LYPD6B: variants seen among roughly 807,000 people sequenced by gnomAD.
LYPD6B encodes ly6/PLAUR domain-containing protein 6B.
Under a neutral mutation model 22.8 loss-of-function variants are expected in LYPD6B, and 17 were observed. The ratio of observed to expected loss-of-function variants is 0.75; its 90% confidence interval spans 0.51 to 1.12. LYPD6B has a LOEUF of 1.12. LYPD6B is among the 50% of genes most tolerant of loss of function. The probability of loss-of-function intolerance (pLI) is 0.00; values close to 1 mark genes in which losing one functional copy is unlikely to be tolerated. For missense variants in LYPD6B, 221 were observed against 258.3 expected, an observed-to-expected ratio of 0.86 and a Z score of 0.99; for synonymous variants, 106 against 91.6, an observed-to-expected ratio of 1.16 and a Z score of -0.90.
At chr2:149,171,399 T>A (rs930915676) in intron 3 of LYPD6B, among the ~76,000 whole-genome samples, 2 of 152,170 alleles carry the variant, frequency 1.3e-5, no homozygotes, top group Admixed American at 6.5e-5. Flanking sequence ...TGTGTAGACT[T>A]GATGTCTTTC....
intron 1 of LYPD6B, among the ~76,000 whole-genome samples, chr2:149,060,252 C>CT (rs1684013099): frequency 6.6e-6 from 1 of 152,126 alleles, no homozygotes; most frequent in Non-Finnish European, 1.5e-5. Flanking sequence ...GGGTTCGAAT[C>CT]CTGCCTTGAC....
chr2:149,111,411 T>A (rs1686753400), intron 1 of LYPD6B, among the ~76,000 whole-genome samples: 2 of 151,944 alleles, frequency 1.3e-5, no homozygotes, highest in Non-Finnish European at 2.9e-5. Flanking sequence ...GAAAAATCAG[T>A]CTGATTTGGG....
At chr2:149,050,952 A>C (rs6753864) in intron 1 of LYPD6B, among the ~76,000 whole-genome samples, 127,671 of 151,768 alleles carry the variant, frequency 0.84, 54,249 homozygotes, top group East Asian at 0.98. Flanking sequence ...TAACATGTTC[A>C]CACCCCAACC....
In LYPD6B at chr2:149,074,798, T is replaced by C. The variant is rs867072850; in HGVS notation, c.-67+35997T>C. 4.2e-5 allele frequency among the ~76,000 whole-genome samples: 6 copies of C among 141,554 alleles called. No individual in the cohort carries two copies. The South Asian group carries it at 7.2e-4, about 17-fold the overall frequency. 92.9% of individuals were successfully genotyped at this position (141,554 alleles called of 152,430 possible). A position where few individuals can be genotyped will look rare whatever the true frequency, so the allele number is the denominator to read the frequency against. On this transcript the variant is annotated intron_variant, in intron 1 of 6. Coordinates refer to ENST00000409642, the MANE Select transcript of LYPD6B (RefSeq NM_177964.5). The stretch of plus-strand genomic sequence containing the variant: ...TTCCAGAATATCCTATGAAATGCTT[T>C]AAAAGTTTAAAATACAATTTTTTTT...
chr2:149,044,963 T>A (rs1683245078), intron 1 of LYPD6B, among the ~76,000 whole-genome samples: 1 of 152,060 alleles, frequency 6.6e-6, no homozygotes, highest in East Asian at 1.9e-4. Flanking sequence ...TCCACTTGGT[T>A]GTAATGTATT....
intron 2 of LYPD6B, among the ~76,000 whole-genome samples, chr2:149,143,463 AC>A (rs1293198593): frequency 2.7e-5 from 4 of 150,366 alleles, no homozygotes; most frequent in Admixed American, 1.3e-4. Flanking sequence ...TTTTTACTAT[AC>A]CGTTTGAAAA....
intron 1 of LYPD6B, among the ~76,000 whole-genome samples, chr2:149,086,465 C>G (rs1474492791): frequency 6.6e-6 from 1 of 152,146 alleles, no homozygotes; most frequent in Non-Finnish European, 1.5e-5. Context: ...TTCAAAGTAT[C>G]ACAAAGAGAT....
In LYPD6B at chr2:149,109,105, G is replaced by A. The variant is rs574771529; in HGVS notation, c.-66-21778G>A. Among the ~76,000 whole-genome samples, 98 of 152,130 alleles carry A rather than the reference G, an allele frequency of 6.4e-4. 1 individual carries two copies. Among genetic ancestry groups the A allele is most frequent in the African/African-American group, 2.2e-3 (91 of 41,526 alleles). ...GTTAAATAATAAGAAAAAATATTAC[G>A]CATTTATCTATGTGGTTACAATTTC... is the stretch of plus-strand genomic sequence containing the variant. On this transcript the variant is annotated intron_variant, in intron 1 of 6. Transcript: ENST00000409642.
At chr2:149,197,342 T>C (rs1005782338) in intron 3 of LYPD6B, among the ~76,000 whole-genome samples, 4 of 152,148 alleles carry the variant, frequency 2.6e-5, no homozygotes, top group Middle Eastern at 6.3e-3. Flanking sequence ...TGAAACCCCG[T>C]CTCTACTAAA....
At chr2:149,053,604 G>T (rs973349) in intron 1 of LYPD6B, among the ~76,000 whole-genome samples, 127,935 of 152,126 alleles carry the variant, frequency 0.84, 54,349 homozygotes, top group East Asian at 0.98. Flanking sequence ...ACCATAAAAT[G>T]TACCTCTTTA....
intron 1 of LYPD6B, among the ~76,000 whole-genome samples, chr2:149,041,259 C>T (rs1683073845): frequency 6.6e-6 from 1 of 152,176 alleles, no homozygotes; most frequent in African/African-American, 2.4e-5. Flanking sequence ...GAAGTGGCCA[C>T]AGCTCTTTGG....
chr2:149,058,500 A>G (rs751094417), intron 1 of LYPD6B, among the ~76,000 whole-genome samples: 1 of 152,214 alleles, frequency 6.6e-6, no homozygotes, highest in Non-Finnish European at 1.5e-5. Flanking sequence ...CAAGCAAGGA[A>G]TGTGTGTTTT....
chr2:149,197,187 T>C (rs918595848), intron 3 of LYPD6B, among the ~76,000 whole-genome samples: 5 of 152,196 alleles, frequency 3.3e-5, no homozygotes, highest in African/African-American at 7.2e-5. Context: ...CTGTATAGAA[T>C]TACCTTTCCA....
chr2:149,122,386 T>G (rs1354065083), intron 1 of LYPD6B, among the ~76,000 whole-genome samples: 1 of 151,996 alleles, frequency 6.6e-6, no homozygotes, highest in Non-Finnish European at 1.5e-5. Flanking sequence ...CTCATTTCTT[T>G]TTTTCTTTTT....
intron 2 of LYPD6B, chr2:149,160,414 G>T (rs1250906676): frequency 1.3e-5 from 6 of 466,672 alleles, no homozygotes; most frequent in Non-Finnish European, 2.6e-5. Context: ...CCTGATATAT[G>T]CCAGTGTTGT....
intron 3 of LYPD6B, among the ~76,000 whole-genome samples, chr2:149,189,367 T>TATATATATATATATATAC (rs1290881582): frequency 3.7e-4 from 30 of 81,014 alleles, no homozygotes; most frequent in Middle Eastern, 6.4e-3. Context: ...TATATATATA[T>TATATATATATATATATAC]ACACACACAT....
In LYPD6B at chr2:149,214,731, G is replaced by C. The variant is rs552669097; in HGVS notation, c.*21G>C. 6.2e-7 allele frequency: 1 copy of C among 1,613,150 alleles called. No homozygotes were observed. Among genetic ancestry groups the C allele is most frequent in the African/African-American group, 1.3e-5 (1 of 75,050 alleles). On this transcript the variant is annotated 3_prime_UTR_variant, in exon 7 of 7. Transcript: ENST00000409642. Reference sequence around the variant, plus strand: ...TGTGATGCCACCATTCCTAGGAGAGGCAGAGACCAGCCTCTAAAGCACAAG... The same window carrying C: ...TGTGATGCCACCATTCCTAGGAGAGCCAGAGACCAGCCTCTAAAGCACAAG...
chr2:149,070,704 C>T (rs2105355485), intron 1 of LYPD6B, among the ~76,000 whole-genome samples: 1 of 145,806 alleles, frequency 6.9e-6, no homozygotes, highest in South Asian at 2.3e-4. Context: ...TATAGAACAG[C>T]CTGTGATTTT....
intron 2 of LYPD6B, chr2:149,131,206 T>C (rs189968434): frequency 3.9e-4 from 176 of 451,586 alleles, no homozygotes; most frequent in Non-Finnish European, 5.1e-4. Context: ...GATGTAAAGG[T>C]AGCTGCTGAT....
Sources: allele counts gnomAD v4.1 joint callset (sites outside exome capture counted in the v4.1 genomes callset), GRCh38; gene constraint gnomAD v4.1.1; transcripts MANE v1.5; gene names NCBI Gene and HGNC (gene_info 2026-07-23, HGNC 2026-07-21).